The following RAB18 variants were observed in gnomAD, a reference collection of about 807,000 sequenced individuals.
RAB18 encodes the protein RAB18, member RAS oncogene family.
Under a neutral mutation model 28.5 loss-of-function variants are expected in RAB18, and 10 were observed. That is an observed-to-expected ratio of 0.35 (90% confidence interval 0.22 to 0.60). The LOEUF is 0.60. Among genes scored for constraint, RAB18 ranks in the 20% least tolerant of loss-of-function variants. RAB18 has a pLI of 0.78. For missense variants in RAB18, 188 were observed against 244.2 expected (o/e 0.77, Z 1.53); for synonymous variants, 93 against 86.9 (o/e 1.07, Z -0.39).
At position 27,538,744 on chromosome 10, in the gene RAB18, ATTTTTAGTTATGTGG is replaced by A. The variant is rs1416516662; in HGVS notation, c.*695_*709del. 1.5e-5 allele frequency: 7 copies of A among 454,074 alleles called. No individual in the cohort carries two copies. The East Asian group carries it at 4.9e-4, about 32-fold the overall frequency. 28.1% of individuals were successfully genotyped at this position (454,074 alleles called of 1,614,324 possible). ...TACATTGGATTCATGACTGTGCAGC[ATTTTTAGTTATGTGG>A]TGTTTGGCAGAATGACAATAAGGTT... On this transcript the variant is annotated 3_prime_UTR_variant, in exon 7 of 7. Coordinates refer to ENST00000356940, the MANE Select transcript of RAB18 (RefSeq NM_021252.5).
intron 2 of RAB18, among the ~76,000 whole-genome samples, chr10:27,510,826 T>A (rs1834309755): frequency 6.6e-6 from 1 of 152,224 alleles, no homozygotes; most frequent in Admixed American, 6.5e-5. Context: ...TCATTGATTG[T>A]ATGTCTATTT....
chr10:27,539,884 A>G lies in RAB18; in HGVS notation c.*1833A>G, dbSNP rs1834986685. 1 of 453,756 alleles carries G rather than the reference A, an allele frequency of 2.2e-6. No homozygotes were observed. Among genetic ancestry groups the G allele is most frequent in the Admixed American group, 2.4e-5 (1 of 42,534 alleles). 28.1% of individuals were successfully genotyped at this position (453,756 alleles called of 1,614,324 possible). ...CCCTATTACTCTCATCAGCTGAAGA[A>G]TATGTACTATTGTGTTACTCAAATT... On this transcript the variant is annotated 3_prime_UTR_variant, in exon 7 of 7. Coordinates refer to ENST00000356940, the MANE Select transcript of RAB18 (RefSeq NM_021252.5).
rs139856761 is a variant in RAB18 at position 27,523,634 on chromosome 10, A to T, written c.125-3194A>T. 2.9e-4 allele frequency among the ~76,000 whole-genome samples: 38 copies of T among 130,216 alleles called. 1 individual carries two copies. The East Asian group carries it at 8.4e-3, about 29-fold the overall frequency. The allele number at this position is 130,216 out of a possible 152,430, so 85.4% of individuals were successfully genotyped here. A position where few individuals can be genotyped will look rare whatever the true frequency, so the allele number is the denominator to read the frequency against. On this transcript the variant is annotated intron_variant, in intron 2 of 6. Coordinates refer to ENST00000356940, the MANE Select transcript of RAB18 (RefSeq NM_021252.5). ...ACCTTTTTTTTTTTTTTTTTTTGAG[A>T]CAGGGTCTTGCTCTGTTATCCAGGC...
intron 2 of RAB18, among the ~76,000 whole-genome samples, chr10:27,519,714 A>G (rs572132017): frequency 6.6e-6 from 1 of 152,260 alleles, no homozygotes; most frequent in South Asian, 2.1e-4. Flanking sequence ...TTCAGTAGCC[A>G]TAAGATTTAA....
rs189377493 is a variant in RAB18, at chr10:27,536,910, C to G, written c.446-966C>G. 2.6e-5 allele frequency among the ~76,000 whole-genome samples: 4 copies of G among 152,288 alleles called. No individual in the cohort carries two copies. The East Asian group carries it at 7.7e-4, about 29-fold the overall frequency. The stretch of plus-strand genomic sequence containing the variant: ...AGGTAGAAACAGCTTATGTGGATAA[C>G]TCTTTAGAAGAGGTTTCAAAGAGAG... On this transcript the variant is annotated intron_variant, in intron 6 of 6. Transcript: ENST00000356940.
intron 1 of RAB18, 28 bp downstream of exon 1, chr10:27,504,465 G>GGGTGGCTGGGCTCTTTCTGCCCC (rs1483642946): frequency 6.4e-6 from 10 of 1,555,008 alleles, no homozygotes; most frequent in African/African-American, 1.4e-5. Context: ...GTCGTGACGA[G>GGGTGGCTGGGCTCTTTCTGCCCC]GGTGGCTGGG....
rs1834932257 is a variant in RAB18, at chr10:27,537,858, T to C, written c.446-18T>C. On this transcript the variant is annotated intron_variant, in intron 6 of 6. Transcript: ENST00000356940. ...AGAAAGGAATATACTATGAATGACC[T>C]TTTTCCTTGAATTTCAGAGGCAAGT... is the stretch of plus-strand genomic sequence containing the variant. The C allele has an allele frequency of 1.1e-5, 17 of 1,603,528 alleles. No individual in the cohort carries two copies. Among genetic ancestry groups the C allele is most frequent in the Non-Finnish European group, 1.5e-5 (17 of 1,170,712 alleles).
chr10:27,516,597 A>G (rs12242968), intron 2 of RAB18, among the ~76,000 whole-genome samples: 5,603 of 151,974 alleles, frequency 0.037, 316 homozygotes, highest in African/African-American at 0.12. Context: ...TTTGATTTCT[A>G]TACCTTAGTC....
At chr10:27,504,835 G>A (rs550041804) in intron 1 of RAB18, 35 of 468,716 alleles carry the variant, frequency 7.5e-5, no homozygotes, top group African/African-American at 5.6e-4. Flanking sequence ...CCCGAGACCC[G>A]GGAGACATAG....
At chr10:27,526,303 T>TACA (rs1834671027) in intron 2 of RAB18, among the ~76,000 whole-genome samples, 1 of 152,210 alleles carries the variant, frequency 6.6e-6, no homozygotes, top group Non-Finnish European at 1.5e-5. Flanking sequence ...TAGTATTTTT[T>TACA]TAGGATAAAA....
chr10:27,508,086 A>T (rs1290255894), intron 1 of RAB18, among the ~76,000 whole-genome samples: 2 of 151,716 alleles, frequency 1.3e-5, no homozygotes, highest in Admixed American at 6.5e-5. Flanking sequence ...AAAATCTAAT[A>T]GAGAAATGGA....
chr10:27,523,088 A>G (rs1834594317), intron 2 of RAB18, among the ~76,000 whole-genome samples: 1 of 152,006 alleles, frequency 6.6e-6, no homozygotes, highest in African/African-American at 2.4e-5. Context: ...AGCCTAGGTC[A>G]TTGATTTTAG....
At chr10:27,520,131 A>G (rs1323449431) in intron 2 of RAB18, among the ~76,000 whole-genome samples, 1 of 152,208 alleles carries the variant, frequency 6.6e-6, no homozygotes, top group African/African-American at 2.4e-5. Context: ...CATTCTGGGA[A>G]TAAACTTGAT....
chr10:27,526,956 T>A, intron 3 of RAB18, 67 bp downstream of exon 3: 2 of 1,500,606 alleles, frequency 1.3e-6, no homozygotes, highest in Non-Finnish European at 1.9e-6. Context: ...GAAATTGATT[T>A]GTGTAGTGTT....
chr10:27,509,560 C>A (rs1052483258), intron 1 of RAB18, among the ~76,000 whole-genome samples: 1 of 152,040 alleles, frequency 6.6e-6, no homozygotes, highest in Non-Finnish European at 1.5e-5. Flanking sequence ...ATATCATTTT[C>A]TCAGAAGGAC....
Position 27,540,597 on chromosome 10 carries a change from C to G in RAB18, c.*2546C>G. The G allele has an allele frequency of 2.2e-6, 1 of 454,046 alleles. No individual in the cohort carries two copies. Among genetic ancestry groups the G allele is most frequent in the South Asian group, 1.6e-5 (1 of 64,472 alleles). The allele number at this position is 454,046 out of a possible 1,614,324, so 28.1% of individuals were successfully genotyped here. On this transcript the variant is annotated 3_prime_UTR_variant, in exon 7 of 7. Coordinates refer to ENST00000356940, the MANE Select transcript of RAB18 (RefSeq NM_021252.5). The stretch of plus-strand genomic sequence containing the variant: ...AAGTTAAGGTAGTGGAGTAGGTGGT[C>G]TTATTTCTTTCACCTGCTCAGAGTG...
In RAB18 at chr10:27,540,923, G is replaced by A. The variant is rs1564841463; in HGVS notation, c.*2872G>A. ...TCATAAAAGAATCCTTCTTACACCA[G>A]TACTTGTTCTGCCTGTGAGTTGGCA... On this transcript the variant is annotated 3_prime_UTR_variant, in exon 7 of 7. Transcript: ENST00000356940. 2.2e-6 allele frequency: 1 copy of A among 454,040 alleles called. No individual in the cohort carries two copies. The highest frequency in any genetic ancestry group is 4.4e-6 in the Non-Finnish European group (1 of 226,758). 28.1% of individuals were successfully genotyped at this position (454,040 alleles called of 1,614,324 possible). A position where few individuals can be genotyped will look rare whatever the true frequency, so the allele number is the denominator to read the frequency against.
intron 1 of RAB18, chr10:27,504,716 G>C (rs560163963): frequency 7.4e-6 from 5 of 675,180 alleles, no homozygotes; most frequent in South Asian, 5.9e-5. Flanking sequence ...GCCGCCGCTC[G>C]GCCGGCAGGT....
At chr10:27,534,024 C>G (rs780435909) in intron 6 of RAB18, 30 bp downstream of exon 6, 6 of 1,552,792 alleles carry the variant, frequency 3.9e-6, no homozygotes, top group South Asian at 1.1e-5. Context: ...TCTGTCCTTT[C>G]ATTATTAATG....
Sources: allele counts gnomAD v4.1 joint callset (sites outside exome capture counted in the v4.1 genomes callset), GRCh38; gene constraint gnomAD v4.1.1; transcripts MANE v1.5; gene names NCBI Gene and HGNC (gene_info 2026-07-23, HGNC 2026-07-21).